The following PTPRG variants were observed in gnomAD, a reference collection of about 807,000 sequenced individuals.
PTPRG encodes protein tyrosine phosphatase receptor type G.
PTPRG carries 102 observed loss-of-function variants against 165.3 expected under a neutral mutation model. The observed-to-expected ratio is 0.62, with a 90% CI of 0.53 to 0.73. The LOEUF (loss-of-function observed/expected upper bound fraction) is 0.73. Among genes scored for constraint, PTPRG ranks in the 30% least tolerant of loss-of-function variants. The pLI is 0.00. For synonymous variants in PTPRG, 675 were observed against 669.5 expected (o/e 1.01, Z -0.13); for missense variants, 1,866 against 1,861.4 (o/e 1.00, Z -0.05).
At chr3:62,250,356 C>T (rs867274560) in intron 15 of PTPRG, among the ~76,000 whole-genome samples, 17 of 152,158 alleles carry the variant, frequency 1.1e-4, no homozygotes, top group African/African-American at 4.1e-4. Flanking sequence ...ATAAGAATCA[C>T]AGATACTCAG....
intron 2 of PTPRG, among the ~76,000 whole-genome samples, chr3:61,837,339 G>A (rs191480917): frequency 5.9e-5 from 9 of 152,252 alleles, no homozygotes; most frequent in African/African-American, 1.7e-4. Flanking sequence ...GTGAGCCACC[G>A]CACCCAACCT....
intron 4 of PTPRG, among the ~76,000 whole-genome samples, chr3:62,060,837 C>G (rs1339002331): frequency 1.3e-5 from 2 of 152,144 alleles, no homozygotes; most frequent in Non-Finnish European, 2.9e-5. Flanking sequence ...TTCTGCCCTC[C>G]TTTATCTGAA....
At chr3:61,839,136 A>G (rs549523879) in intron 2 of PTPRG, among the ~76,000 whole-genome samples, 1 of 152,200 alleles carries the variant, frequency 6.6e-6, no homozygotes, top group Non-Finnish European at 1.5e-5. Context: ...TAAACTTTCA[A>G]TTAGGGGCTT....
At chr3:61,945,560 C>CAAAAAAAAAAA (rs71123242) in intron 2 of PTPRG, among the ~76,000 whole-genome samples, 6 of 55,460 alleles carry the variant, frequency 1.1e-4, no homozygotes, top group African/African-American at 3.5e-4. Context: ...ACTCCGTCAC[C>CAAAAAAAAAAA]AAAAAAAAAA....
At chr3:61,926,833 C>G (rs897199094) in intron 2 of PTPRG, among the ~76,000 whole-genome samples, 1 of 151,802 alleles carries the variant, frequency 6.6e-6, no homozygotes, top group African/African-American at 2.4e-5. Context: ...CCTCTTTACT[C>G]CTTTTTGCCT....
At chr3:62,234,726 C>T (rs900708893) in intron 14 of PTPRG, among the ~76,000 whole-genome samples, 1 of 151,802 alleles carries the variant, frequency 6.6e-6, no homozygotes, top group Non-Finnish European at 1.5e-5. Flanking sequence ...TCATAGTTTA[C>T]TTCTTAACTG....
rs184748629 is a variant in PTPRG, at chr3:62,026,858, C to T, written c.519+23361C>T. On this transcript the variant is annotated intron_variant, in intron 4 of 29. Transcript: ENST00000474889. ...CCGAGATTGCACTGCTGCACTCCAG[C>T]CTGGGAAACCGAGTGAGAATTAAAA... 4.2e-3 allele frequency among the ~76,000 whole-genome samples: 437 copies of T among 104,558 alleles called. 4 individuals are homozygous for T. Among genetic ancestry groups the T allele is most frequent in the African/African-American group, 0.015 (393 of 26,256 alleles). The allele number at this position is 104,558 out of a possible 152,430, so 68.6% of individuals were successfully genotyped here. A position where few individuals can be genotyped will look rare whatever the true frequency, so the allele number is the denominator to read the frequency against.
intron 1 of PTPRG, among the ~76,000 whole-genome samples, chr3:61,627,816 A>G (rs1033344689): frequency 5.9e-5 from 9 of 152,190 alleles, no homozygotes; most frequent in African/African-American, 2.2e-4. Context: ...AAGTAGTGAG[A>G]GAACTTGGGG....
At chr3:61,693,522 G>A (rs2030358432) in intron 1 of PTPRG, among the ~76,000 whole-genome samples, 1 of 152,192 alleles carries the variant, frequency 6.6e-6, no homozygotes, top group Non-Finnish European at 1.5e-5. Flanking sequence ...TGGACTTGGT[G>A]CTGAGGAGTA....
intron 2 of PTPRG, among the ~76,000 whole-genome samples, chr3:61,821,279 C>T (rs1048733084): frequency 6.6e-6 from 1 of 152,016 alleles, no homozygotes; most frequent in South Asian, 2.1e-4. Context: ...ATGCCCTTCT[C>T]CTGCCTCAGC....
At chr3:61,894,632 A>G (rs1488971195) in intron 2 of PTPRG, among the ~76,000 whole-genome samples, 1 of 152,188 alleles carries the variant, frequency 6.6e-6, no homozygotes, top group Admixed American at 6.5e-5. Context: ...GCCTAACTTA[A>G]TGTCACCCAG....
intron 4 of PTPRG, among the ~76,000 whole-genome samples, chr3:62,057,028 A>G (rs1700656752): frequency 6.6e-6 from 1 of 152,236 alleles, no homozygotes; most frequent in Admixed American, 6.5e-5. Context: ...AACGGGAGAT[A>G]AAAGTAAAGC....
intron 4 of PTPRG, among the ~76,000 whole-genome samples, chr3:62,049,764 G>C (rs1239551307): frequency 1.3e-5 from 2 of 152,176 alleles, no homozygotes; most frequent in Non-Finnish European, 2.9e-5. Flanking sequence ...GAGTAGGGAA[G>C]GAAGATATTA....
chr3:62,289,581 G>C (rs1203323934), intron 28 of PTPRG, among the ~76,000 whole-genome samples: 2 of 151,712 alleles, frequency 1.3e-5, no homozygotes, highest in Non-Finnish European at 2.9e-5. Flanking sequence ...TGTAGAGCTG[G>C]TGTTAAGCTT....
At chr3:62,153,545 G>A (rs1220902900) in intron 6 of PTPRG, among the ~76,000 whole-genome samples, 3 of 151,758 alleles carry the variant, frequency 2.0e-5, no homozygotes, top group Non-Finnish European at 4.4e-5. Context: ...AAGGGCACAA[G>A]GAGTAATCCA....
intron 28 of PTPRG, among the ~76,000 whole-genome samples, chr3:62,283,839 A>G (rs1702539675): frequency 6.6e-6 from 1 of 152,146 alleles, no homozygotes; most frequent in African/African-American, 2.4e-5. Flanking sequence ...CTGCTTCCAA[A>G]AAATTTTACA....
intron 2 of PTPRG, among the ~76,000 whole-genome samples, chr3:61,783,910 A>G (rs1231833780): frequency 6.6e-6 from 1 of 152,106 alleles, no homozygotes; most frequent in Non-Finnish European, 1.5e-5. Flanking sequence ...AGTTAATTGG[A>G]GGTGCTAGCT....
intron 1 of PTPRG, among the ~76,000 whole-genome samples, chr3:61,701,244 TCTTG>T (rs2030938250): frequency 6.6e-6 from 1 of 152,190 alleles, no homozygotes; most frequent in Non-Finnish European, 1.5e-5. Flanking sequence ...TTCCTCATGG[TCTTG>T]TCAGAACATG....
At chr3:61,630,890 T>C (rs985038463) in intron 1 of PTPRG, among the ~76,000 whole-genome samples, 2 of 151,952 alleles carry the variant, frequency 1.3e-5, no homozygotes, top group African/African-American at 4.8e-5. Context: ...ATCGTGTCTC[T>C]ACTAAAAATA....
Sources: gnomAD v4.1 joint callset for allele counts (sites outside exome capture counted in the v4.1 genomes callset) on GRCh38, gnomAD v4.1.1 for gene constraint, MANE v1.5 for transcripts, NCBI Gene and HGNC (gene_info 2026-07-23, HGNC 2026-07-21) for gene names.